The following ACBD6 variants were observed in gnomAD, a reference collection of about 807,000 sequenced individuals.
The protein encoded by ACBD6 is acyl-CoA-binding domain-containing protein 6.
In ACBD6, 28 loss-of-function variants were observed where a neutral mutation model predicts 37.2. That is an observed-to-expected ratio of 0.75 (90% confidence interval 0.56 to 1.03). ACBD6 has a LOEUF of 1.03. Ranked by LOEUF, ACBD6 falls within the 50% of genes least tolerant of loss-of-function variation. The pLI is 0.00. For missense variants in ACBD6, 340 were observed against 337.4 expected, an observed-to-expected ratio of 1.01 and a Z score of -0.06; for synonymous variants, 113 against 126.8, an observed-to-expected ratio of 0.89 and a Z score of 0.73.
chr1:180,426,232 C>T (rs891495451), intron 4 of ACBD6, among the ~76,000 whole-genome samples: 1 of 152,218 alleles, frequency 6.6e-6, no homozygotes, highest in Admixed American at 6.5e-5. Flanking sequence ...TAATAGATTA[C>T]ATGACATCAA....
intron 7 of ACBD6, among the ~76,000 whole-genome samples, chr1:180,299,826 C>T (rs952456609): frequency 1.3e-5 from 2 of 152,026 alleles, no homozygotes; most frequent in Admixed American, 6.6e-5. Flanking sequence ...TAAGACCATA[C>T]TTATACCAAT....
chr1:180,468,880 C>CT (rs1368531116), intron 3 of ACBD6, among the ~76,000 whole-genome samples: 1 of 152,174 alleles, frequency 6.6e-6, no homozygotes, highest in Non-Finnish European at 1.5e-5. Context: ...GTTAGGGAAA[C>CT]TTTGACATTT....
chr1:180,406,300 A>G (rs997005502), intron 5 of ACBD6, among the ~76,000 whole-genome samples: 1 of 152,150 alleles, frequency 6.6e-6, no homozygotes, highest in Admixed American at 6.5e-5. Context: ...TCCTTAATCC[A>G]AAAGTCTGAA....
At chr1:180,291,271 T>C (rs942810935) in intron 7 of ACBD6, among the ~76,000 whole-genome samples, 2 of 152,226 alleles carry the variant, frequency 1.3e-5, no homozygotes, top group African/African-American at 2.4e-5. Flanking sequence ...CTGAGTCATA[T>C]GGCAAGTGAA....
chr1:180,479,684 T>C (rs1480378259), intron 3 of ACBD6, among the ~76,000 whole-genome samples: 1 of 152,144 alleles, frequency 6.6e-6, no homozygotes, highest in African/African-American at 2.4e-5. Flanking sequence ...ATTTCACAGG[T>C]ACCCCATATA....
intron 3 of ACBD6, among the ~76,000 whole-genome samples, chr1:180,443,554 G>C (rs922827081): frequency 6.6e-6 from 1 of 152,132 alleles, no homozygotes. Context: ...CCTCCTTGCA[G>C]CCTGGAAAAT....
At chr1:180,341,420 T>TA (rs1263822742) in intron 6 of ACBD6, among the ~76,000 whole-genome samples, 2 of 152,140 alleles carry the variant, frequency 1.3e-5, no homozygotes, top group Non-Finnish European at 2.9e-5. Context: ...AAAAAGATTT[T>TA]AAAAACATGA....
Position 180,288,230 on chromosome 1 carries a change from T to C in ACBD6, c.*133A>G. On this transcript the variant is annotated 3_prime_UTR_variant, in exon 8 of 8. Transcript: ENST00000367595. ...AGAATGAATTGCTGAGACTTCAAAA[T>C]CCCAGTTCCACAGAACTGATTTTAT... The C allele has an allele frequency of 7.7e-7, 1 of 1,293,134 alleles. No individual in the cohort carries two copies. Among genetic ancestry groups the C allele is most frequent in the Admixed American group, 2.1e-5 (1 of 46,948 alleles). The allele number at this position is 1,293,134 out of a possible 1,614,324, so 80.1% of individuals were successfully genotyped here.
intron 6 of ACBD6, among the ~76,000 whole-genome samples, chr1:180,372,813 G>A (rs919006755): frequency 7.2e-5 from 11 of 152,288 alleles, no homozygotes; most frequent in African/African-American, 2.6e-4. Flanking sequence ...CAAGAACCAT[G>A]GCATGCTCAA....
At chr1:180,343,111 T>C (rs1652041278) in intron 6 of ACBD6, among the ~76,000 whole-genome samples, 1 of 151,464 alleles carries the variant, frequency 6.6e-6, no homozygotes, top group Non-Finnish European at 1.5e-5. Flanking sequence ...AGATGAAACA[T>C]TAGGGTAAAA....
At chr1:180,311,195 C>T (rs61811565) in intron 7 of ACBD6, among the ~76,000 whole-genome samples, 15 of 152,320 alleles carry the variant, frequency 9.8e-5, no homozygotes, top group African/African-American at 2.9e-4. Context: ...TAAGCCATGA[C>T]ACACGGTGTG....
At chr1:180,381,293 A>T (rs1653637129) in intron 6 of ACBD6, among the ~76,000 whole-genome samples, 1 of 152,234 alleles carries the variant, frequency 6.6e-6, no homozygotes, top group South Asian at 2.1e-4. Flanking sequence ...CATTTTCGCC[A>T]CCAGACAGAA....
Position 180,502,084 on chromosome 1 carries a change from G to A in ACBD6, c.183C>T (p.Ser61=), listed in dbSNP as rs766644077. 5 of 1,613,822 alleles carry A rather than the reference G, an allele frequency of 3.1e-6. No homozygotes were observed. The highest frequency in any genetic ancestry group is 3.3e-5 in the Admixed American group (2 of 59,986). ...CATACAGGTACAAGAGCTGCTCCCT[G>A]CTGGCCACCTGAATCAGGCCTTGCA... is the stretch of plus-strand genomic sequence containing the variant. ...AHLQGLIQVA[S]REQLLYLYAR... is the part of the protein sequence containing the mutation. Residue 61 remains serine (S), a synonymous_variant, in exon 1 of 8, where the codon AGC becomes AGT. Transcript: ENST00000367595.
chr1:180,352,003 T>C (rs1652439049), intron 6 of ACBD6, among the ~76,000 whole-genome samples: 1 of 152,146 alleles, frequency 6.6e-6, no homozygotes, highest in South Asian at 2.1e-4. Context: ...TGCTACAACA[T>C]AAACCTTGAA....
chr1:180,346,418 G>A (rs1652183050), intron 6 of ACBD6, among the ~76,000 whole-genome samples: 2 of 152,144 alleles, frequency 1.3e-5, no homozygotes, highest in Admixed American at 1.3e-4. Flanking sequence ...TAATTCCCTT[G>A]CCTTGAGTGA....
At chr1:180,488,875 C>T (rs1651379255) in intron 3 of ACBD6, among the ~76,000 whole-genome samples, 1 of 152,166 alleles carries the variant, frequency 6.6e-6, no homozygotes, top group African/African-American at 2.4e-5. Flanking sequence ...GCCACCACAC[C>T]TGGCCTTAGC....
intron 3 of ACBD6, among the ~76,000 whole-genome samples, chr1:180,449,770 G>C (rs768077363): frequency 6.6e-5 from 10 of 151,724 alleles, no homozygotes; most frequent in Non-Finnish European, 1.2e-4. Flanking sequence ...TTGTAGGGTG[G>C]GGACAGGGGG....
chr1:180,495,512 T>C lies in ACBD6; in HGVS notation c.236A>G (p.Asn79Ser), dbSNP rs775168344. The change falls in exon 2 of 8, where the codon AAT (asparagine) becomes AGT (serine). Residue 79 changes from asparagine (N) to serine (S), a missense_variant. By Grantham distance (46) the Asn-to-Ser change is conservative. Coordinates refer to ENST00000367595, the MANE Select transcript of ACBD6 (RefSeq NM_032360.4). ...YARYKQVKVG[N>S]CNTPKPSFFD... The stretch of plus-strand genomic sequence containing the variant: ...GAAGCTTGGTTTAGGAGTATTACAA[T>C]TTCCAACTTTGACCTAAATGAGGGA... 4 of 1,610,766 alleles carry C rather than the reference T, an allele frequency of 2.5e-6. No homozygotes were observed. The highest frequency in any genetic ancestry group is 2.7e-5 in the African/African-American group (2 of 74,818).
intron 2 of ACBD6, among the ~76,000 whole-genome samples, chr1:180,493,247 C>CAAAAAAAAAAAAAAAAAAAAA (rs71121023): frequency 2.1e-5 from 1 of 47,796 alleles, no homozygotes; most frequent in African/African-American, 1.2e-4. Context: ...AATTCTGTCT[C>CAAAAAAAAAAAAAAAAAAAAA]AAAAAAAAAA....
Sources: gnomAD v4.1 joint callset for allele counts (sites outside exome capture counted in the v4.1 genomes callset) on GRCh38, gnomAD v4.1.1 for gene constraint, MANE v1.5 for transcripts, NCBI Gene and HGNC (gene_info 2026-07-23, HGNC 2026-07-21) for gene names.